STXBP5L: variants seen among roughly 807,000 people sequenced by gnomAD.
STXBP5L encodes syntaxin binding protein 5L.
In STXBP5L, 65 loss-of-function variants were observed where a neutral mutation model predicts 144.5. That is an observed-to-expected ratio of 0.45 (90% CI 0.37 to 0.55). The LOEUF is 0.55. Ranked by LOEUF, STXBP5L falls within the 20% of genes least tolerant of loss-of-function variation. The probability of loss-of-function intolerance (pLI) is 0.00; values close to 1 mark genes in which losing one functional copy is unlikely to be tolerated. For synonymous variants in STXBP5L, 505 were observed against 469.6 expected (o/e 1.08, Z -0.97); for missense variants, 1,298 against 1,405.5 (o/e 0.92, Z 1.22).
At chr3:121,043,824 T>G (rs2638582) in intron 4 of STXBP5L, among the ~76,000 whole-genome samples, 72,199 of 152,090 alleles carry the variant, frequency 0.47, 17,749 homozygotes, top group African/African-American at 0.56. Context: ...TTGGCATGTT[T>G]TATCTTCTGT....
At position 121,279,860 on chromosome 3, in the gene STXBP5L, G is replaced by A. The variant is rs769292406; in HGVS notation, c.2014G>A (p.Val672Ile). The A allele has an allele frequency of 6.8e-6, 11 of 1,612,550 alleles. No homozygotes were observed. In the African/African-American group the frequency reaches 1.5e-4, roughly 22 times the overall value. ...LAVVDFIQKT[V>I]LLSMGTIDLY... ...TGTGGTGGATTTTATACAGAAGACA[G>A]TACTGTTAAGCATGGGGACCATTGA... Residue 672 changes from valine to isoleucine, a missense_variant, in exon 19 of 27, where the codon GTA becomes ATA. Coordinates refer to ENST00000471454, the MANE Select transcript of STXBP5L (RefSeq NM_001308330.2).
intron 5 of STXBP5L, among the ~76,000 whole-genome samples, chr3:121,074,326 TAGCTGC>T (rs1298907748): frequency 3.3e-5 from 5 of 152,230 alleles, no homozygotes; most frequent in Admixed American, 3.3e-4. Context: ...GCATATAATG[TAGCTGC>T]AACTTTATTT....
intron 9 of STXBP5L, among the ~76,000 whole-genome samples, chr3:121,175,365 GA>G (rs1431657855): frequency 6.6e-6 from 1 of 151,880 alleles, no homozygotes; most frequent in Non-Finnish European, 1.5e-5. Context: ...TAAAGGCCTA[GA>G]AAAAAATATG....
intron 5 of STXBP5L, among the ~76,000 whole-genome samples, chr3:121,048,686 G>GT (rs1222699164): frequency 1.9e-4 from 26 of 137,792 alleles, no homozygotes; most frequent in Non-Finnish European, 1.9e-4. Flanking sequence ...ATCAGTTAGA[G>GT]TCTTTTTTTT....
At chr3:121,047,959 A>C (rs1350171356) in intron 5 of STXBP5L, among the ~76,000 whole-genome samples, 1 of 151,802 alleles carries the variant, frequency 6.6e-6, no homozygotes, top group African/African-American at 2.4e-5. Context: ...TTGTATACTT[A>C]AGTGTCTTTT....
chr3:121,064,823 G>C (rs1481244162), intron 5 of STXBP5L, among the ~76,000 whole-genome samples: 1 of 152,146 alleles, frequency 6.6e-6, no homozygotes, highest in Non-Finnish European at 1.5e-5. Flanking sequence ...GAGGTTTGGG[G>C]TATGGATCCT....
chr3:121,091,383 A>C lies in STXBP5L; in HGVS notation c.471-23542A>C, dbSNP rs1343886090. Among the ~76,000 whole-genome samples the C allele has an allele frequency of 8.0e-5, 12 of 150,758 alleles. 1 individual carries two copies. The Admixed American group carries it at 8.1e-4, about 10-fold the overall frequency. ...ACTTCCACAATGGTTGAACTAGTTT[A>C]CAGTCCCACCAACAGTGTAAAAGTG... is the stretch of plus-strand genomic sequence containing the variant. On this transcript the variant is annotated intron_variant, in intron 5 of 26. Transcript: ENST00000471454.
chr3:120,923,330 A>T (rs993639546), intron 2 of STXBP5L, among the ~76,000 whole-genome samples: 1 of 151,118 alleles, frequency 6.6e-6, no homozygotes, highest in Non-Finnish European at 1.5e-5. Flanking sequence ...TTTTATTCTC[A>T]ACTTTATTAT....
At chr3:120,969,321 T>C (rs1426499284) in intron 3 of STXBP5L, among the ~76,000 whole-genome samples, 1 of 152,068 alleles carries the variant, frequency 6.6e-6, no homozygotes, top group Non-Finnish European at 1.5e-5. Context: ...TTCATATGTT[T>C]GTTGGTTGGT....
chr3:121,221,982 T>TA (rs1184759293), intron 10 of STXBP5L, among the ~76,000 whole-genome samples: 2 of 152,030 alleles, frequency 1.3e-5, no homozygotes, highest in African/African-American at 4.8e-5. Context: ...AAGGAAATCT[T>TA]ACAGAGCGAT....
chr3:121,078,183 G>T (rs973671894), intron 5 of STXBP5L, among the ~76,000 whole-genome samples: 6 of 152,112 alleles, frequency 3.9e-5, no homozygotes, highest in Non-Finnish European at 7.3e-5. Context: ...TAGACACAGG[G>T]TGCAGATTGG....
At chr3:120,939,952 G>C (rs1017567390) in intron 2 of STXBP5L, among the ~76,000 whole-genome samples, 2 of 152,090 alleles carry the variant, frequency 1.3e-5, no homozygotes, top group African/African-American at 4.8e-5. Flanking sequence ...TGACAGACCT[G>C]AGAACTGAAC....
chr3:120,991,261 C>T (rs1196793687), intron 3 of STXBP5L, among the ~76,000 whole-genome samples: 10 of 151,648 alleles, frequency 6.6e-5, no homozygotes, highest in Non-Finnish European at 1.2e-4. Context: ...CAGAGAAATG[C>T]AAATCAAAAC....
intron 7 of STXBP5L, among the ~76,000 whole-genome samples, chr3:121,129,257 G>A (rs1345710644): frequency 6.6e-6 from 1 of 151,914 alleles, no homozygotes; most frequent in African/African-American, 2.4e-5. Context: ...GCACATAGTG[G>A]GAAAGGAAAA....
At chr3:120,944,852 T>C (rs1427412004) in intron 2 of STXBP5L, among the ~76,000 whole-genome samples, 1 of 151,854 alleles carries the variant, frequency 6.6e-6, no homozygotes, top group African/African-American at 2.4e-5. Context: ...CAGGAAATTA[T>C]TCAGCAATAC....
In STXBP5L at chr3:121,052,831, G is replaced by T. The variant is rs1467337065; in HGVS notation, c.470+7296G>T. On this transcript the variant is annotated intron_variant, in intron 5 of 26. Transcript: ENST00000471454. Reference sequence around the variant, plus strand: ...GTCCCTGTTTGCAGATGACATGATTGTGTATCTAGAAAACCCCATTGTCTC... The same window carrying T: ...GTCCCTGTTTGCAGATGACATGATTTTGTATCTAGAAAACCCCATTGTCTC... Among the ~76,000 whole-genome samples, 5 of 152,242 alleles carry T rather than the reference G, an allele frequency of 3.3e-5. No individual in the cohort carries two copies. The East Asian group carries it at 7.7e-4, about 24-fold the overall frequency.
chr3:121,093,829 G>A (rs550769585), intron 5 of STXBP5L, among the ~76,000 whole-genome samples: 1 of 152,170 alleles, frequency 6.6e-6, no homozygotes, highest in Non-Finnish European at 1.5e-5. Flanking sequence ...GAATGTGTTT[G>A]CTCTTTCTTT....
chr3:121,136,041 A>C (rs2045242430), intron 7 of STXBP5L, among the ~76,000 whole-genome samples: 1 of 152,292 alleles, frequency 6.6e-6, no homozygotes, highest in Admixed American at 6.5e-5. Flanking sequence ...TTAGGCCCTG[A>C]AGAAACCTCA....
chr3:121,097,436 G>T (rs1381161707), intron 5 of STXBP5L, among the ~76,000 whole-genome samples: 2 of 152,298 alleles, frequency 1.3e-5, no homozygotes, highest in Non-Finnish European at 1.5e-5. Context: ...CAGGGCCCTG[G>T]TGGGGTAGGC....
Sources: allele counts gnomAD v4.1 joint callset (sites outside exome capture counted in the v4.1 genomes callset), GRCh38; gene constraint gnomAD v4.1.1; transcripts MANE v1.5; gene names NCBI Gene and HGNC (gene_info 2026-07-23, HGNC 2026-07-21).